NPHP4: variants seen among roughly 807,000 people sequenced by gnomAD.
NPHP4 encodes nephrocystin 4, also known as nephrocystin-4.
Under a neutral mutation model 155.8 loss-of-function variants are expected in NPHP4, and 151 were observed. The ratio of observed to expected loss-of-function variants is 0.97; its 90% confidence interval spans 0.85 to 1.11. NPHP4 has a LOEUF of 1.11. NPHP4 is among the 50% of genes least tolerant of loss of function. The pLI is 0.00. For synonymous variants in NPHP4, 845 were observed against 816.8 expected (o/e 1.03, Z -0.59); for missense variants, 1,956 against 1,925.7 (o/e 1.02, Z -0.29).
At chr1:5,895,767 A>G (rs1644364221) in intron 16 of NPHP4, among the ~76,000 whole-genome samples, 1 of 152,244 alleles carries the variant, frequency 6.6e-6, no homozygotes, top group African/African-American at 2.4e-5. Flanking sequence ...AGATAGCGAA[A>G]TACTAGAAAT....
rs761183927 is a variant in NPHP4 at position 5,877,223 on chromosome 1, CG to C, written c.2686del (p.Arg896GlyfsTer24). On this transcript the variant is annotated frameshift_variant, in exon 20 of 30. Transcript: ENST00000378156. LOFTEE classifies it high-confidence loss of function. ...ELAAMLLTHA[R>X]QGKGPQDVSR... is the part of the protein sequence containing the mutation. ...GACGTCCTGGGGCCCCTTGCCCTGCCGGGCATGGGTCAGTAGCATGGCAGCC... is the reference window on the plus strand; with the variant it reads ...GACGTCCTGGGGCCCCTTGCCCTGCCGGCATGGGTCAGTAGCATGGCAGCC... 5.6e-6 allele frequency: 9 copies of C among 1,608,024 alleles called. No individual in the cohort carries two copies. The South Asian group carries it at 1.0e-4, about 18-fold the overall frequency.
At chr1:5,884,862 C>A (rs1643637450) in intron 18 of NPHP4, among the ~76,000 whole-genome samples, 1 of 148,588 alleles carries the variant, frequency 6.7e-6, no homozygotes, top group African/African-American at 2.5e-5. Flanking sequence ...AAGCTCCCAG[C>A]CGAGCCCCTG....
rs1339308320 is a variant in NPHP4, at chr1:5,974,662, G to A, written c.279+3608C>T. Among the ~76,000 whole-genome samples the A allele has an allele frequency of 2.1e-5, 3 of 141,960 alleles. No homozygotes were observed. The South Asian group carries it at 7.1e-4, about 34-fold the overall frequency. 93.1% of individuals were successfully genotyped at this position (141,960 alleles called of 152,430 possible). On this transcript the variant is annotated intron_variant, in intron 3 of 29. Coordinates refer to ENST00000378156, the MANE Select transcript of NPHP4 (RefSeq NM_015102.5). ...GACTGCTCTCCTGCATATGGGCCCA[G>A]TGCAAATAATTCATCATTTGCAGAA...
chr1:5,904,934 T>A, intron 15 of NPHP4, 130 bp from the exon 16 acceptor site: 2 of 842,686 alleles, frequency 2.4e-6, no homozygotes, highest in Non-Finnish European at 3.8e-6. Context: ...GCTGCCGTGG[T>A]CACCAATGCA....
Position 5,863,961 on chromosome 1 carries a change from G to C in NPHP4, c.4069C>G (p.Pro1357Ala). 1 of 1,613,780 alleles carries C rather than the reference G, an allele frequency of 6.2e-7. No homozygotes were observed. Among genetic ancestry groups the C allele is most frequent in the South Asian group, 1.1e-5 (1 of 91,070 alleles). Residue 1357 changes from proline (P) to alanine (A), a missense_variant, in exon 29 of 30, where the codon CCC becomes GCC. Transcript: ENST00000378156. ...NKRITYTNPY[P>A]SRRTFHLHSD... ...TGCAGGTGGAATGTCCTCCGGGAGG[G>C]GTAGGGGTTGGTGTAGGTGATCCTC... is the stretch of plus-strand genomic sequence containing the variant.
chr1:5,909,195 G>C lies in NPHP4; in HGVS notation c.1460C>G (p.Pro487Arg). ...GTTCTGCGGGGCAGCGAGAACTCGA[G>C]GTACTGGCGCTGGCGGGCCTGGGAG... ...TSPSSPPAPVPRVLAAPQNSP... is the reference protein window; with the variant it reads ...TSPSSPPAPVRRVLAAPQNSP... Residue 487 changes from proline to arginine, a missense_variant, in exon 12 of 30, where the codon CCT becomes CGT. Coordinates refer to ENST00000378156, the MANE Select transcript of NPHP4 (RefSeq NM_015102.5). 6.2e-7 allele frequency: 1 copy of C among 1,604,446 alleles called. No homozygotes were observed. The highest frequency in any genetic ancestry group is 8.5e-7 in the Non-Finnish European group (1 of 1,175,872).
In NPHP4 at chr1:5,889,181, C is replaced by T. The variant is rs1436497654; in HGVS notation, c.2304+1687G>A. 6.6e-6 allele frequency among the ~76,000 whole-genome samples: 1 copy of T among 152,114 alleles called. No individual in the cohort carries two copies. The highest frequency in any genetic ancestry group is 1.5e-5 in the Non-Finnish European group (1 of 68,032). On this transcript the variant is annotated intron_variant, in intron 17 of 29. Coordinates refer to ENST00000378156, the MANE Select transcript of NPHP4 (RefSeq NM_015102.5). This position sits in a 1 kb window ranked among gnomAD's most constrained non-coding sequence, Gnocchi z 4.2. The stretch of plus-strand genomic sequence containing the variant: ...GGGTAAAATTGAACTTCAAGAAGTC[C>T]ACAGCAGTGATTAGCAGAAGGAAAA...
chr1:5,907,283 C>A (rs1426494039), intron 12 of NPHP4, 61 bp from the exon 13 acceptor site: 2 of 1,128,936 alleles, frequency 1.8e-6, no homozygotes, highest in Non-Finnish European at 2.5e-6. Context: ...CCACAAAGCT[C>A]CCAACATGCA....
chr1:5,977,006 G>A (rs928847230), intron 3 of NPHP4, among the ~76,000 whole-genome samples: 2 of 152,096 alleles, frequency 1.3e-5, no homozygotes, highest in Non-Finnish European at 2.9e-5. Flanking sequence ...GCCTCTTGGG[G>A]CCTCCTTCTA....
At chr1:5,937,749 A>G (rs1646621440) in intron 9 of NPHP4, among the ~76,000 whole-genome samples, 1 of 152,236 alleles carries the variant, frequency 6.6e-6, no homozygotes, top group Non-Finnish European at 1.5e-5. Flanking sequence ...GCTGAGGACA[A>G]ATTTTAAAAA....
chr1:5,947,036 C>G, intron 9 of NPHP4, 68 bp downstream of exon 9: 1 of 1,548,078 alleles, frequency 6.5e-7, no homozygotes, highest in Admixed American at 1.7e-5. Context: ...CATTCATGCC[C>G]ACTACATTTA....
In NPHP4 at chr1:5,969,475, T is replaced by C. The variant is rs2275231; in HGVS notation, c.280-216A>G. ...CAGACTGAAATGTTGGTGTCGGAGC[T>C]CTTTATTCCAGAGCACCCAACAACC... On this transcript the variant is annotated intron_variant, in intron 3 of 29. Transcript: ENST00000378156. Among the ~76,000 whole-genome samples, 26,186 of 152,114 alleles carry C rather than the reference T, an allele frequency of 0.17. 2,357 individuals are homozygous for C. The highest frequency in any genetic ancestry group is 0.22 in the African/African-American group (9,058 of 41,460).
At chr1:5,923,213 G>C (rs1449337427) in intron 11 of NPHP4, among the ~76,000 whole-genome samples, 3 of 152,198 alleles carry the variant, frequency 2.0e-5, no homozygotes, top group Non-Finnish European at 4.4e-5. Context: ...CAGCAGCCAA[G>C]AGACTATTAA....
chr1:5,903,385 A>C (rs1458045263), intron 16 of NPHP4, among the ~76,000 whole-genome samples: 3 of 152,166 alleles, frequency 2.0e-5, no homozygotes, highest in Non-Finnish European at 4.4e-5. Context: ...GTCAGGTGCC[A>C]CTGTTAGGCT....
chr1:5,907,056 T>C, intron 13 of NPHP4, 59 bp downstream of exon 13: 1 of 1,023,068 alleles, frequency 9.8e-7, no homozygotes, highest in Non-Finnish European at 1.4e-6. Context: ...AAACCCAAAA[T>C]GAGGAGCTGT....
At position 5,863,365 on chromosome 1, in the gene NPHP4, G is replaced by A. The variant is rs537985340; in HGVS notation, c.4181C>T (p.Ala1394Val). ...CTCCTCACCCACTCTCTGACTAGGC[G>A]CAAACTGCAAGCCGATGGTGTAGGT... ...GETYTIGLQF[A>V]PSQRVGEEEI... The change falls in exon 30 of 30, where the codon GCG becomes GTG. Residue 1394 changes from alanine (A) to valine (V), a missense_variant. Physicochemically the swap from Ala to Val is moderately conservative, Grantham distance 64 (BLOSUM62 0). Transcript: ENST00000378156. 46 of 1,613,960 alleles carry A rather than the reference G, an allele frequency of 2.9e-5. No individual in the cohort carries two copies. Among genetic ancestry groups the A allele is most frequent in the Admixed American group, 1.0e-4 (6 of 60,030 alleles).
intron 11 of NPHP4, among the ~76,000 whole-genome samples, chr1:5,925,603 G>GTTT (rs981196505): frequency 6.6e-6 from 1 of 151,144 alleles, no homozygotes. Context: ...CAGGGAATGG[G>GTTT]TTTTTTTTTG....
At chr1:5,895,333 TA>T (rs34020356) in intron 16 of NPHP4, among the ~76,000 whole-genome samples, 1 of 150,656 alleles carries the variant, frequency 6.6e-6, no homozygotes. Context: ...AAAGTATAAT[TA>T]AAAAAAAATA....
In NPHP4 at chr1:5,910,457, G is replaced by A. The variant is rs1020529691; in HGVS notation, c.1442-1244C>T. Among the ~76,000 whole-genome samples, 2 of 152,050 alleles carry A rather than the reference G, an allele frequency of 1.3e-5. No individual in the cohort carries two copies. Among genetic ancestry groups the A allele is most frequent in the Non-Finnish European group, 1.5e-5 (1 of 68,010 alleles). On this transcript the variant is annotated intron_variant, in intron 11 of 29. Transcript: ENST00000378156. This position sits in a 1 kb window ranked among gnomAD's most constrained non-coding sequence, Gnocchi z 5.4. Reference sequence around the variant, plus strand: ...GCCCACATCTTGGGCCCAGCAGCTCGCCTTCCCTCCCTCTCCTGTGGCCTC... The same window carrying A: ...GCCCACATCTTGGGCCCAGCAGCTCACCTTCCCTCCCTCTCCTGTGGCCTC...
Sources: allele counts gnomAD v4.1 joint callset (sites outside exome capture counted in the v4.1 genomes callset), GRCh38; gene constraint gnomAD v4.1.1; non-coding constraint Gnocchi (gnomAD v3.1); transcripts MANE v1.5; gene names NCBI Gene and HGNC (gene_info 2026-07-23, HGNC 2026-07-21).